The following RIMBP2 variants were observed in gnomAD, a reference collection of about 807,000 sequenced individuals.
RIMBP2 encodes the protein RIMS-binding protein 2.
Under a neutral mutation model 118.6 loss-of-function variants are expected in RIMBP2, and 48 were observed. The observed-to-expected ratio is 0.40, with a 90% CI of 0.32 to 0.51. RIMBP2 has a LOEUF of 0.51. RIMBP2 is among the 20% of genes least tolerant of loss of function. The pLI, the probability that RIMBP2 is intolerant of heterozygous loss-of-function variation, is 0.41. For missense variants in RIMBP2, 1,551 were observed against 1,768.3 expected (o/e 0.88, Z 2.20); for synonymous variants, 762 against 742.9 (o/e 1.03, Z -0.42).
intron 2 of RIMBP2, among the ~76,000 whole-genome samples, chr12:130,535,061 C>T (rs917395133): frequency 2.6e-5 from 4 of 152,220 alleles, no homozygotes; most frequent in Non-Finnish European, 5.9e-5. Context: ...TGCCCTTTAG[C>T]AAGCTCACGT....
At chr12:130,559,649 G>T (rs2056656233) in intron 2 of RIMBP2, among the ~76,000 whole-genome samples, 1 of 152,350 alleles carries the variant, frequency 6.6e-6, no homozygotes, top group South Asian at 2.1e-4. Context: ...TGTTAAGGGT[G>T]GGCTGGGACT....
chr12:130,585,886 G>A (rs1458650741), intron 2 of RIMBP2, among the ~76,000 whole-genome samples: 1 of 152,130 alleles, frequency 6.6e-6, no homozygotes, highest in African/African-American at 2.4e-5. Flanking sequence ...GGCCTTTTGA[G>A]TCTGCCAGCC....
In RIMBP2 at chr12:130,447,339, C is replaced by A. The variant is rs889165307; in HGVS notation, c.582-2070G>T. ...CGTGACAACCTCGTCGGTGCTCCTG[C>A]GTGTGGGCCCTGGAGGCCACCCGAC... On this transcript the variant is annotated intron_variant, in intron 9 of 22. Coordinates refer to ENST00000690449, the MANE Select transcript of RIMBP2 (RefSeq NM_001393629.1). The surrounding 1 kb of genome is among the most constrained non-coding windows in gnomAD (Gnocchi z 4.4). Among the ~76,000 whole-genome samples, 1 of 151,572 alleles carries A rather than the reference C, an allele frequency of 6.6e-6. No homozygotes were observed. Among genetic ancestry groups the A allele is most frequent in the Non-Finnish European group, 1.5e-5 (1 of 67,904 alleles).
chr12:130,439,772 T>C (rs1422485400), intron 11 of RIMBP2, among the ~76,000 whole-genome samples: 1 of 146,126 alleles, frequency 6.8e-6, no homozygotes, highest in African/African-American at 2.5e-5. Context: ...TGTGTGTGTG[T>C]ATGTGGGTAT....
At chr12:130,405,148 C>A (rs946982914) in intron 21 of RIMBP2, among the ~76,000 whole-genome samples, 12 of 152,128 alleles carry the variant, frequency 7.9e-5, no homozygotes, top group African/African-American at 2.7e-4. Context: ...AAACATTTGA[C>A]CGCATGCAAA....
chr12:130,650,350 G>C (rs1347263706), intron 1 of RIMBP2, among the ~76,000 whole-genome samples: 1 of 152,212 alleles, frequency 6.6e-6, no homozygotes, highest in Non-Finnish European at 1.5e-5. Flanking sequence ...CCCAGCCTGG[G>C]GCTCTAAATA....
intron 19 of RIMBP2, among the ~76,000 whole-genome samples, chr12:130,410,983 A>ATC (rs1207083745): frequency 2.6e-5 from 4 of 152,194 alleles, no homozygotes; most frequent in African/African-American, 9.7e-5. Context: ...CATGAATATG[A>ATC]TCTCTCTGTC....
chr12:130,652,677 C>T (rs370279970), intron 1 of RIMBP2, among the ~76,000 whole-genome samples: 29 of 151,996 alleles, frequency 1.9e-4, no homozygotes, highest in Admixed American at 3.3e-4. Context: ...TAAAGAAATA[C>T]CTGAACCTGG....
At chr12:130,701,618 G>C (rs964107590) in intron 1 of RIMBP2, among the ~76,000 whole-genome samples, 1 of 152,138 alleles carries the variant, frequency 6.6e-6, no homozygotes, top group Non-Finnish European at 1.5e-5. Context: ...CAAGGAAGGC[G>C]TGAGACTGTG....
chr12:130,439,279 T>C (rs56072906), intron 11 of RIMBP2, among the ~76,000 whole-genome samples: 41,377 of 151,706 alleles, frequency 0.27, 6,507 homozygotes, highest in South Asian at 0.5. Context: ...TGTATGTACA[T>C]TGTGTGTGTA....
chr12:130,580,196 TAAA>T (rs67458568), intron 2 of RIMBP2, among the ~76,000 whole-genome samples: 19 of 143,202 alleles, frequency 1.3e-4, no homozygotes, highest in Admixed American at 1.4e-4. Flanking sequence ...AGACTCCATT[TAAA>T]AAAAAAAAAA....
intron 17 of RIMBP2, among the ~76,000 whole-genome samples, chr12:130,415,441 A>T (rs538354217): frequency 2.6e-5 from 4 of 152,344 alleles, no homozygotes; most frequent in African/African-American, 9.6e-5. Context: ...CCCACAGCCA[A>T]TATCATATTG....
intron 2 of RIMBP2, among the ~76,000 whole-genome samples, chr12:130,572,409 A>G (rs967511705): frequency 6.6e-6 from 1 of 152,146 alleles, no homozygotes; most frequent in South Asian, 2.1e-4. Context: ...CCCGGCTCGC[A>G]TGAGCATCAG....
At chr12:130,508,887 GCTGTCAGCC>G (rs551065001) in intron 3 of RIMBP2, among the ~76,000 whole-genome samples, 5 of 152,256 alleles carry the variant, frequency 3.3e-5, no homozygotes, top group African/African-American at 9.6e-5. Flanking sequence ...GTGGACTATT[GCTGTCAGCC>G]CTCCCAGACA....
intron 2 of RIMBP2, among the ~76,000 whole-genome samples, chr12:130,610,480 CTAAG>C (rs937234735): frequency 2.0e-5 from 3 of 148,872 alleles, no homozygotes; most frequent in Admixed American, 1.3e-4. Flanking sequence ...AGGATAAAAA[CTAAG>C]TAATGTGTCC....
chr12:130,524,799 G>A (rs1222205927), intron 2 of RIMBP2, among the ~76,000 whole-genome samples: 15 of 152,164 alleles, frequency 9.9e-5, no homozygotes, highest in East Asian at 3.9e-4. Context: ...AGAGGAAGGC[G>A]GGTACAGGAG....
At chr12:130,686,506 G>C (rs2065052408) in intron 1 of RIMBP2, among the ~76,000 whole-genome samples, 1 of 152,238 alleles carries the variant, frequency 6.6e-6, no homozygotes, top group Non-Finnish European at 1.5e-5. Context: ...TTGTGCTGCT[G>C]GCCCCAGTGG....
At chr12:130,459,094 T>C (rs61935899) in intron 6 of RIMBP2, among the ~76,000 whole-genome samples, 13,435 of 146,328 alleles carry the variant, frequency 0.092, 754 homozygotes, top group South Asian at 0.17. Context: ...CATACAAAAA[T>C]CTTGAAATGA....
At position 130,679,601 on chromosome 12, in the gene RIMBP2, C is replaced by G. The variant is rs191266033; in HGVS notation, c.-352+36621G>C. On this transcript the variant is annotated intron_variant, in intron 1 of 22. Coordinates refer to ENST00000690449, the MANE Select transcript of RIMBP2 (RefSeq NM_001393629.1). ...GTGCGGGTGCAGGTGCGGGCGCATT[C>G]GCCTGGTGAGAATCTAGCAGCTGAG... is the stretch of plus-strand genomic sequence containing the variant. Among the ~76,000 whole-genome samples the G allele has an allele frequency of 5.3e-5, 8 of 152,254 alleles. No homozygotes were observed. In the East Asian group the frequency reaches 1.4e-3, roughly 26 times the overall value.
Sources: allele counts gnomAD v4.1 joint callset (sites outside exome capture counted in the v4.1 genomes callset), GRCh38; gene constraint gnomAD v4.1.1; non-coding constraint Gnocchi (gnomAD v3.1); transcripts MANE v1.5; gene names NCBI Gene and HGNC (gene_info 2026-07-23, HGNC 2026-07-21).